The following GGTA1 variants were observed in gnomAD, a reference collection of about 807,000 sequenced individuals.
GGTA1 encodes inactive N-acetyllactosaminide alpha-1,3-galactosyltransferase.
A neutral mutation model predicts 2.6 loss-of-function variants in GGTA1; 5 were observed. The ratio of observed to expected loss-of-function variants is 1.92; its 90% CI spans 1.00 to 4.04. The LOEUF (loss-of-function observed/expected upper bound fraction) is 4.04. Ranked by LOEUF, GGTA1 falls within the 30% of genes most tolerant of loss-of-function variation. GGTA1 has a pLI of 0.00. For missense variants in GGTA1, 50 were observed against 16.7 expected (o/e 2.99, Z -3.47); for synonymous variants, 17 against 5.0 (o/e 3.38, Z -3.19).
chr9:121,493,314 C>A (rs1418225860), intron 1 of GGTA1, among the ~76,000 whole-genome samples: 1 of 152,046 alleles, frequency 6.6e-6, no homozygotes, highest in African/African-American at 2.4e-5. Flanking sequence ...TACCTCCATT[C>A]CCTACCTGTG....
At chr9:121,453,582 C>G (rs183452498), downstream of GGTA1, among the ~76,000 whole-genome samples, 3 of 152,320 alleles carry the variant, frequency 2.0e-5, no homozygotes, top group African/African-American at 7.2e-5. Context: ...GCCTGGCACC[C>G]TGCTTGGCAT....
chr9:121,497,942 T>A (rs1217971913), intron 1 of GGTA1, among the ~76,000 whole-genome samples: 1 of 152,174 alleles, frequency 6.6e-6, no homozygotes, highest in Non-Finnish European at 1.5e-5. Context: ...GCTCCTAGCC[T>A]ATGATTTAGG....
intron 1 of GGTA1, among the ~76,000 whole-genome samples, chr9:121,477,735 C>G (rs186024583): frequency 6.6e-6 from 1 of 152,116 alleles, no homozygotes; most frequent in East Asian, 1.9e-4. Flanking sequence ...GCCACCACGC[C>G]CAGCTAATTT....
intron 2 of GGTA1, among the ~76,000 whole-genome samples, chr9:121,464,666 C>A (rs2064989277): frequency 6.6e-6 from 1 of 152,192 alleles, no homozygotes; most frequent in Non-Finnish European, 1.5e-5. Flanking sequence ...GGAGGTAATG[C>A]ATAGCAAGGG....
At chr9:121,468,065 T>A (rs2065017566) in intron 1 of GGTA1, 134 bp from the exon 2 acceptor site, 1 of 377,008 alleles carries the variant, frequency 2.7e-6, no homozygotes, top group Admixed American at 3.3e-5. Flanking sequence ...GGGATACATG[T>A]GCAGAACGTG....
At chr9:121,490,453 G>A (rs1828851160) in intron 1 of GGTA1, among the ~76,000 whole-genome samples, 2 of 152,166 alleles carry the variant, frequency 1.3e-5, no homozygotes, top group African/African-American at 4.8e-5. Flanking sequence ...AGAATTCTGT[G>A]GCACTACAAG....
At chr9:121,498,934 A>T (rs1321683063) in intron 1 of GGTA1, among the ~76,000 whole-genome samples, 3 of 146,146 alleles carry the variant, frequency 2.1e-5, no homozygotes, top group Non-Finnish European at 4.5e-5. Context: ...TTGTGCAATC[A>T]TTGTGTTTAG....
intron 5 of GGTA1, among the ~76,000 whole-genome samples, chr9:121,457,822 T>C (rs908496685): frequency 6.6e-6 from 1 of 150,716 alleles, no homozygotes; most frequent in Non-Finnish European, 1.5e-5. Flanking sequence ...CGGTCACAAA[T>C]GAGGATGTGG....
intron 1 of GGTA1, among the ~76,000 whole-genome samples, chr9:121,492,710 G>A (rs1828895741): frequency 6.6e-6 from 1 of 152,056 alleles, no homozygotes; most frequent in African/African-American, 2.4e-5. Context: ...CCTACCTCAG[G>A]TGATCCGCCC....
chr9:121,454,019 C>T (rs74408606), downstream of GGTA1, among the ~76,000 whole-genome samples: 3,496 of 152,276 alleles, frequency 0.023, 140 homozygotes, highest in African/African-American at 0.079. Context: ...ACAGCTGGAA[C>T]TGGCCTGCTT....
In GGTA1 at chr9:121,464,752, A is replaced by G. The variant is rs559969456; in HGVS notation, c.81-1424T>C. Reference sequence around the variant, plus strand: ...TCATGAATATTTCATCATAATTTTGAAGGCTTCCTCTAATTCTCTAAAATT... The same window carrying G: ...TCATGAATATTTCATCATAATTTTGGAGGCTTCCTCTAATTCTCTAAAATT... On this transcript the variant is annotated intron_variant, in intron 2 of 5. Transcript: ENST00000481799. 2.0e-5 allele frequency among the ~76,000 whole-genome samples: 3 copies of G among 152,328 alleles called. No homozygotes were observed. In the South Asian group the frequency reaches 6.2e-4, roughly 32 times the overall value.
At position 121,476,737 on chromosome 9, in the gene GGTA1, C is replaced by T. The variant is rs770564757; in HGVS notation, c.-9-8806G>A. Among the ~76,000 whole-genome samples the T allele has an allele frequency of 1.2e-4, 19 of 152,164 alleles. No individual in the cohort carries two copies. The highest frequency in any genetic ancestry group is 1.9e-4 in the Non-Finnish European group (13 of 68,038). On this transcript the variant is annotated intron_variant, in intron 1 of 5. Transcript: ENST00000481799. The surrounding 1 kb of genome is among the most constrained non-coding windows in gnomAD (Gnocchi z 4.6). ...AGGCTGACTTACCAGGAGCTAATGA[C>T]GCTTAGGTGTCAGGGTCCTCATGTG...
At chr9:121,458,855 T>C (rs2064936182) in intron 5 of GGTA1, among the ~76,000 whole-genome samples, 1 of 152,016 alleles carries the variant, frequency 6.6e-6, no homozygotes, top group South Asian at 2.1e-4. Flanking sequence ...ACAGTAAAAT[T>C]GCCCCATTCT....
intron 1 of GGTA1, among the ~76,000 whole-genome samples, chr9:121,486,639 T>C (rs1828761398): frequency 6.6e-6 from 1 of 152,202 alleles, no homozygotes; most frequent in South Asian, 2.1e-4. Flanking sequence ...TGCCTGTGTC[T>C]CAGTCCCAAG....
At chr9:121,446,851 A>G (rs772656331) in exon 8 of GGTA1, 3 of 152,226 alleles carry the variant, frequency 2.0e-5, no homozygotes, top group Non-Finnish European at 4.4e-5. Context: ...TTTTCTGAGG[A>G]AGTAGCCAGA....
intron 1 of GGTA1, among the ~76,000 whole-genome samples, chr9:121,481,526 T>A (rs982284149): frequency 6.7e-6 from 1 of 150,202 alleles, no homozygotes; most frequent in African/African-American, 2.5e-5. Context: ...CTACTAAAAA[T>A]ACAAAAATTA....
downstream of GGTA1, among the ~76,000 whole-genome samples, chr9:121,454,801 T>C (rs961769515): frequency 1.3e-5 from 2 of 152,094 alleles, no homozygotes; most frequent in African/African-American, 2.4e-5. Context: ...TCATTTGAGA[T>C]CAGGAGTTCA....
At chr9:121,450,469 A>G (rs1281345503), downstream of GGTA1, among the ~76,000 whole-genome samples, 1 of 152,164 alleles carries the variant, frequency 6.6e-6, no homozygotes, top group Non-Finnish European at 1.5e-5. Context: ...GTCCAAATCC[A>G]CTTGTAAAGA....
chr9:121,471,436 A>G (rs1828386706), intron 1 of GGTA1, among the ~76,000 whole-genome samples: 1 of 152,238 alleles, frequency 6.6e-6, no homozygotes, highest in Non-Finnish European at 1.5e-5. Context: ...ATGAAATCAA[A>G]TAAGAATGAT....
Sources: gnomAD v4.1 joint callset for allele counts (sites outside exome capture counted in the v4.1 genomes callset) on GRCh38, gnomAD v4.1.1 for gene constraint, Gnocchi (gnomAD v3.1) non-coding constraint, MANE v1.5 for transcripts, NCBI Gene and HGNC (gene_info 2026-07-23, HGNC 2026-07-21) for gene names.